The following U2SURP variants were observed in gnomAD, a reference collection of about 807,000 sequenced individuals.
U2SURP encodes U2 snRNP associated SURP domain containing, also known as U2 snRNP-associated SURP motif-containing protein.
U2SURP carries 9 observed loss-of-function variants against 144.9 expected under a neutral mutation model. That is an observed-to-expected ratio of 0.06 (90% CI 0.04 to 0.11). U2SURP has a LOEUF of 0.11. U2SURP is among the 10% of genes least tolerant of loss of function. U2SURP has a pLI of 1.00. For missense variants in U2SURP, 724 were observed against 1,226.7 expected, an observed-to-expected ratio of 0.59 and a Z score of 6.12; for synonymous variants, 408 against 396.8, an observed-to-expected ratio of 1.03 and a Z score of -0.33.
intron 3 of U2SURP, 70 bp from the exon 4 acceptor site, chr3:143,014,241 A>G: frequency 1.0e-6 from 1 of 962,728 alleles, no homozygotes; most frequent in Non-Finnish European, 1.5e-6. Context: ...CTTAGTTATC[A>G]GTTGATGTGT....
At chr3:143,033,742 G>C (rs1019400677) in intron 18 of U2SURP, among the ~76,000 whole-genome samples, 2 of 152,108 alleles carry the variant, frequency 1.3e-5, no homozygotes, top group African/African-American at 2.4e-5. Context: ...GTGTCCATGG[G>C]AGGTCTTGGA....
intron 1 of U2SURP, among the ~76,000 whole-genome samples, chr3:143,006,385 G>C (rs1185400092): frequency 6.6e-6 from 1 of 152,198 alleles, no homozygotes; most frequent in South Asian, 2.1e-4. Context: ...GTTCTGACAA[G>C]TCAAGTATAT....
At chr3:143,017,632 C>CTT (rs1168498450) in intron 6 of U2SURP, among the ~76,000 whole-genome samples, 1 of 147,756 alleles carries the variant, frequency 6.8e-6, no homozygotes, top group Non-Finnish European at 1.5e-5. Flanking sequence ...TAAAATTTAC[C>CTT]TTTTTTTTTT....
intron 26 of U2SURP, 35 bp from the exon 27 acceptor site, chr3:143,054,908 C>T (rs757491214): frequency 6.5e-7 from 1 of 1,535,008 alleles, no homozygotes; most frequent in East Asian, 2.4e-5. Context: ...ATCCTTTGCT[C>T]ATTTATGGAA....
chr3:143,024,102 G>A, intron 13 of U2SURP, 84 bp downstream of exon 13: 1 of 1,307,336 alleles, frequency 7.6e-7, no homozygotes, highest in Non-Finnish European at 1.1e-6. Context: ...TTGAGGAAAA[G>A]GTAGTATCTT....
chr3:143,038,339 C>A, intron 22 of U2SURP, 136 bp downstream of exon 22: 1 of 632,344 alleles, frequency 1.6e-6, no homozygotes, highest in Non-Finnish European at 2.5e-6. Flanking sequence ...TATTTTGTGT[C>A]TAATGTATGC....
At chr3:143,011,284 T>G (rs1211484768) in intron 2 of U2SURP, among the ~76,000 whole-genome samples, 2 of 152,168 alleles carry the variant, frequency 1.3e-5, no homozygotes, top group Non-Finnish European at 2.9e-5. Context: ...TGTTTGTTAT[T>G]TCTTTGTTGA....
intron 27 of U2SURP, among the ~76,000 whole-genome samples, chr3:143,055,399 T>A (rs59856277): frequency 6.6e-5 from 10 of 152,332 alleles, no homozygotes; most frequent in African/African-American, 1.9e-4. Context: ...TTACTTTTCG[T>A]TCTGTTCTTT....
At chr3:143,003,166 T>C (rs988480165) in intron 1 of U2SURP, among the ~76,000 whole-genome samples, 4 of 152,242 alleles carry the variant, frequency 2.6e-5, no homozygotes, top group Non-Finnish European at 4.4e-5. Context: ...CATGACTGAA[T>C]GTATGGCTGT....
chr3:143,004,402 C>T (rs1451669212), intron 1 of U2SURP, among the ~76,000 whole-genome samples: 3 of 120,024 alleles, frequency 2.5e-5, no homozygotes, highest in Non-Finnish European at 3.2e-5. Flanking sequence ...CTTGCCTTGT[C>T]GCCCAGGCTG....
Position 143,035,021 on chromosome 3 carries a change from T to TGG in U2SURP, c.1941+51_1941+52dup, listed in dbSNP as rs769534064. On this transcript the variant is annotated intron_variant, in intron 19 of 27. Transcript: ENST00000473835. ...TTTTTGCCCTAGTGTTTTAAATGGG[T>TGG]GGGGGGAGGGCATTGAAGGGCTAGA... The TGG allele has an allele frequency of 1.9e-3, 225 of 120,808 alleles. 1 individual carries two copies. The highest frequency in any genetic ancestry group is 0.012 in the African/African-American group (212 of 17,458). 7.5% of individuals were successfully genotyped at this position (120,808 alleles called of 1,614,324 possible).
rs146187475 is a variant in U2SURP at position 143,014,973 on chromosome 3, G to C, written c.321+564G>C. ...CTTTGGGATATATTCTTATAGGTGAGATTTGGGATATATTCTTATAAGTGA... is the reference window on the plus strand; with the variant it reads ...CTTTGGGATATATTCTTATAGGTGACATTTGGGATATATTCTTATAAGTGA... On this transcript the variant is annotated intron_variant, in intron 4 of 27. Coordinates refer to ENST00000473835, the MANE Select transcript of U2SURP (RefSeq NM_001080415.2). Among the ~76,000 whole-genome samples the C allele has an allele frequency of 1.9e-3, 293 of 152,142 alleles. 4 individuals carry two copies. Among genetic ancestry groups the C allele is most frequent in the African/African-American group, 6.8e-3 (284 of 41,540 alleles).
intron 1 of U2SURP, among the ~76,000 whole-genome samples, chr3:143,003,475 G>A (rs1343538662): frequency 2.0e-5 from 3 of 151,964 alleles, no homozygotes; most frequent in Non-Finnish European, 4.4e-5. Context: ...TTTTTTACAT[G>A]GTTGATATAA....
chr3:143,053,840 T>C, intron 26 of U2SURP, 46 bp downstream of exon 26: 2 of 1,436,234 alleles, frequency 1.4e-6, no homozygotes, highest in Non-Finnish European at 1.9e-6. Context: ...TTTCAAGATT[T>C]GCAGTGGTGT....
chr3:143,012,468 A>T (rs1936169502), intron 3 of U2SURP, 115 bp downstream of exon 3: 2 of 1,002,120 alleles, frequency 2.0e-6, no homozygotes, highest in Non-Finnish European at 2.7e-6. Flanking sequence ...ATCTTATTCT[A>T]TTTGAAAATA....
At chr3:143,046,669 A>G (rs1300276791) in intron 24 of U2SURP, among the ~76,000 whole-genome samples, 11 of 106,088 alleles carry the variant, frequency 1.0e-4, no homozygotes, top group African/African-American at 3.1e-4. Context: ...TCCCAAGGCA[A>G]AAGAATTTTT....
intron 19 of U2SURP, among the ~76,000 whole-genome samples, 177 bp from the exon 20 acceptor site, chr3:143,035,805 A>AGG (rs1263189451): frequency 6.6e-6 from 1 of 152,090 alleles, no homozygotes; most frequent in African/African-American, 2.4e-5. Context: ...TTTAATTAGA[A>AGG]GGTGACATTG....
At chr3:143,008,740 G>T (rs1489527224) in intron 1 of U2SURP, among the ~76,000 whole-genome samples, 2 of 152,184 alleles carry the variant, frequency 1.3e-5, no homozygotes, top group South Asian at 2.1e-4. Flanking sequence ...GTTAATACTG[G>T]TGTATTGGAA....
Position 143,012,868 on chromosome 3 carries a change from T to C in U2SURP, c.222+515T>C, listed in dbSNP as rs150916966. Among the ~76,000 whole-genome samples, 41 of 152,286 alleles carry C rather than the reference T, an allele frequency of 2.7e-4. No individual in the cohort carries two copies. In the East Asian group the frequency reaches 3.9e-3, roughly 14 times the overall value. ...CTCAGGCTCTTTTAGACTTTTATTCTATGTCAAGTAATATTTTCTTGTGGT... is the reference window on the plus strand; with the variant it reads ...CTCAGGCTCTTTTAGACTTTTATTCCATGTCAAGTAATATTTTCTTGTGGT... On this transcript the variant is annotated intron_variant, in intron 3 of 27. Transcript: ENST00000473835.
Sources: gnomAD v4.1 joint callset for allele counts (sites outside exome capture counted in the v4.1 genomes callset) on GRCh38, gnomAD v4.1.1 for gene constraint, MANE v1.5 for transcripts, NCBI Gene and HGNC (gene_info 2026-07-23, HGNC 2026-07-21) for gene names.